Variants in VASN observed in about 807,000 individuals in gnomAD.
The protein encoded by VASN is protein slit-like 2.
Under a neutral mutation model 4.8 loss-of-function variants are expected in VASN, and 5 were observed. The observed-to-expected ratio is 1.03, with a 90% CI of 0.54 to 2.17. VASN has a LOEUF of 2.17. Among genes scored for constraint, VASN ranks in the 30% most tolerant of loss-of-function variants. The pLI is 0.01. For missense variants in VASN, 927 were observed against 948.8 expected (o/e 0.98, Z 0.30); for synonymous variants, 499 against 460.8 (o/e 1.08, Z -1.06).
At chr16:4,379,335 C>T (rs2141238909) in intron 1 of VASN, among the ~76,000 whole-genome samples, 1 of 152,186 alleles carries the variant, frequency 6.6e-6, no homozygotes, top group Admixed American at 6.5e-5. Flanking sequence ...AGGGCTCTTC[C>T]TGGGGACGGC....
rs373081245 is a variant in VASN, at chr16:4,381,728, C to T, written c.851C>T (p.Ser284Leu). 2.4e-5 allele frequency: 39 copies of T among 1,605,900 alleles called. No individual in the cohort carries two copies. The highest frequency in any genetic ancestry group is 1.3e-4 in the Admixed American group (8 of 59,930). The change falls in exon 2 of 2, where the codon TCG becomes TTG. Residue 284 changes from serine to leucine, a missense_variant. Transcript: ENST00000304735. ...LSLQALPGDL[S>L]GLFPRLRLLA... is the part of the protein sequence containing the mutation. Reference sequence around the variant, plus strand: ...CTGCAGGCCCTGCCTGGCGACCTCTCGGGCCTCTTCCCCCGCCTGCGGCTG... The same window carrying T: ...CTGCAGGCCCTGCCTGGCGACCTCTTGGGCCTCTTCCCCCGCCTGCGGCTG...
Position 4,381,416 on chromosome 16 carries a change from G to A in VASN, c.539G>A (p.Ser180Asn). 1 of 1,584,028 alleles carries A rather than the reference G, an allele frequency of 6.3e-7. No homozygotes were observed. Among genetic ancestry groups the A allele is most frequent in the Non-Finnish European group, 8.6e-7 (1 of 1,167,264 alleles). Reference protein sequence around the residue: ...RLLLLDLSHNSLLALEPGILD... With the variant: ...RLLLLDLSHNNLLALEPGILD... ...CTGCTGCTGGACCTCAGCCACAACA[G>A]CCTCCTGGCCCTGGAGCCCGGCATC... Residue 180 changes from serine (S) to asparagine (N), a missense_variant, in exon 2 of 2, where the codon AGC becomes AAC. By Grantham distance (46) the Ser-to-Asn change is conservative (BLOSUM62 1). Coordinates refer to ENST00000304735, the MANE Select transcript of VASN (RefSeq NM_138440.3).
At chr16:4,380,411 C>T (rs971800376) in intron 1 of VASN, among the ~76,000 whole-genome samples, 1 of 152,382 alleles carries the variant, frequency 6.6e-6, no homozygotes, top group East Asian at 1.9e-4. Flanking sequence ...CGGAGCGTGG[C>T]AGCAGGAGCC....
chr16:4,380,872 C>A lies in VASN; in HGVS notation c.-6C>A. The A allele has an allele frequency of 6.6e-7, 1 of 1,512,780 alleles. No individual in the cohort carries two copies. The highest frequency in any genetic ancestry group is 1.3e-5 in the South Asian group (1 of 76,546). 93.7% of individuals were successfully genotyped at this position (1,512,780 alleles called of 1,614,324 possible). ...TCTGCCTCCTCTCTGCTCCCAGGGACAGAAGATGTGCTCCAGGGTCCCTCT... is the reference window on the plus strand; with the variant it reads ...TCTGCCTCCTCTCTGCTCCCAGGGAAAGAAGATGTGCTCCAGGGTCCCTCT... On this transcript the variant is annotated 5_prime_UTR_variant, in exon 2 of 2. Coordinates refer to ENST00000304735, the MANE Select transcript of VASN (RefSeq NM_138440.3).
intron 1 of VASN, among the ~76,000 whole-genome samples, chr16:4,376,915 G>A (rs1480695310): frequency 2.0e-5 from 3 of 152,200 alleles, no homozygotes; most frequent in Non-Finnish European, 4.4e-5. Flanking sequence ...TAGTACCCAC[G>A]CCCAGGGGGC....
chr16:4,377,382 T>A (rs2054776477), intron 1 of VASN, among the ~76,000 whole-genome samples: 1 of 152,036 alleles, frequency 6.6e-6, no homozygotes, highest in Non-Finnish European at 1.5e-5. Context: ...GCAACCACCG[T>A]GTGACCTGTA....
chr16:4,379,983 G>C (rs2054894725), intron 1 of VASN, among the ~76,000 whole-genome samples: 2 of 151,336 alleles, frequency 1.3e-5, no homozygotes, highest in African/African-American at 4.9e-5. Context: ...GCTTGAACCT[G>C]GGAGGCAGAG....
chr16:4,373,141 G>A (rs982614980), intron 1 of VASN, among the ~76,000 whole-genome samples: 20 of 152,144 alleles, frequency 1.3e-4, no homozygotes, highest in Admixed American at 9.2e-4. Flanking sequence ...TGGGGCAGGC[G>A]GGTGGGGGAT....
intron 1 of VASN, among the ~76,000 whole-genome samples, chr16:4,373,696 G>C (rs2054614219): frequency 6.6e-6 from 1 of 152,150 alleles, no homozygotes; most frequent in African/African-American, 2.4e-5. Flanking sequence ...CAAGTCCCAA[G>C]TACAGAAAAT....
Position 4,381,380 on chromosome 16 carries a change from T to A in VASN, c.503T>A (p.Leu168Gln), listed in dbSNP as rs2054955245. 2 of 1,585,410 alleles carry A rather than the reference T, an allele frequency of 1.3e-6. No individual in the cohort carries two copies. Among genetic ancestry groups the A allele is most frequent in the East Asian group, 4.7e-5 (2 of 42,610 alleles). ...CTGCGGGCACTGCCCCCGCTGCGCC[T>A]GCCCCGCCTGCTGCTGCTGGACCTC... ...NELRALPPLRLPRLLLLDLSH... is the reference protein window; with the variant it reads ...NELRALPPLRQPRLLLLDLSH... Residue 168 changes from leucine to glutamine, a missense_variant, in exon 2 of 2, where the codon CTG becomes CAG. Coordinates refer to ENST00000304735, the MANE Select transcript of VASN (RefSeq NM_138440.3).
Position 4,381,675 on chromosome 16 carries a change from G to A in VASN, c.798G>A (p.Leu266=). The A allele has an allele frequency of 6.2e-7, 1 of 1,606,482 alleles. No homozygotes were observed. Among genetic ancestry groups the A allele is most frequent in the Non-Finnish European group, 8.5e-7 (1 of 1,177,836 alleles). The change falls in exon 2 of 2, where the codon CTG becomes CTA. Residue 266 remains leucine, a synonymous_variant. Coordinates refer to ENST00000304735, the MANE Select transcript of VASN (RefSeq NM_138440.3). ...RPEDLAGLAA[L]QELDVSNLSL... ...AGGACCTGGCCGGCCTGGCTGCCCT[G>A]CAGGAGCTGGATGTGAGCAACCTAA...
rs2055040416 is a variant in VASN at position 4,382,703 on chromosome 16, C to T, written c.1826C>T (p.Ala609Val). Reference protein sequence around the residue: ...VRRGRAMAAAAQDKGQVGPGA... With the variant: ...VRRGRAMAAAVQDKGQVGPGA... ...CGGGGGCGGGCCATGGCAGCAGCGG[C>T]TCAGGACAAAGGGCAGGTGGGGCCA... is the stretch of plus-strand genomic sequence containing the variant. The change falls in exon 2 of 2, where the codon GCT (alanine) becomes GTT (valine). Residue 609 changes from alanine to valine, a missense_variant. Ala to Val is a moderately conservative substitution (Grantham distance 64, BLOSUM62 0). Coordinates refer to ENST00000304735, the MANE Select transcript of VASN (RefSeq NM_138440.3). The T allele has an allele frequency of 2.6e-6, 4 of 1,548,980 alleles. No individual in the cohort carries two copies. The highest frequency in any genetic ancestry group is 2.6e-6 in the Non-Finnish European group (3 of 1,147,854).
chr16:4,374,323 C>A (rs113115656), intron 1 of VASN, among the ~76,000 whole-genome samples: 1 of 152,122 alleles, frequency 6.6e-6, no homozygotes, highest in Admixed American at 6.5e-5. Flanking sequence ...CGGCCTCCCC[C>A]GCTTTTCCTC....
At chr16:4,379,038 C>A (rs2054857904) in intron 1 of VASN, among the ~76,000 whole-genome samples, 1 of 152,062 alleles carries the variant, frequency 6.6e-6, no homozygotes, top group Non-Finnish European at 1.5e-5. Context: ...AGTGACTTGT[C>A]TAATCTGTCC....
rs762446209 is a variant in VASN, at chr16:4,382,287, G to A, written c.1410G>A (p.Pro470=). Reference sequence around the variant, plus strand: ...GGTCCCTGACCCTGGGCATCGAGCCGGTGAGCCCCACCTCCCTGCGCGTGG... The same window carrying A: ...GGTCCCTGACCCTGGGCATCGAGCCAGTGAGCCCCACCTCCCTGCGCGTGG... The part of the protein sequence containing the change: ...PPRSLTLGIE[P]VSPTSLRVGL... The change falls in exon 2 of 2, where the codon CCG becomes CCA. Residue 470 remains proline (P), a synonymous_variant. Transcript: ENST00000304735. 3.0e-5 allele frequency: 49 copies of A among 1,609,656 alleles called. No homozygotes were observed. The highest frequency in any genetic ancestry group is 2.9e-4 in the East Asian group (13 of 44,716).
At chr16:4,378,886 G>T (rs1443965091) in intron 1 of VASN, among the ~76,000 whole-genome samples, 1 of 152,040 alleles carries the variant, frequency 6.6e-6, no homozygotes, top group Non-Finnish European at 1.5e-5. Flanking sequence ...CTGGCTAGGG[G>T]CTCAGGGTCG....
At chr16:4,379,321 G>A (rs189900270) in intron 1 of VASN, among the ~76,000 whole-genome samples, 285 of 152,206 alleles carry the variant, frequency 1.9e-3, no homozygotes, top group African/African-American at 6.3e-3. Context: ...GTGCCAAAGT[G>A]GGGAGGGCTC....
chr16:4,372,474 C>G (rs1158198712), intron 1 of VASN, among the ~76,000 whole-genome samples: 1 of 152,208 alleles, frequency 6.6e-6, no homozygotes, highest in Non-Finnish European at 1.5e-5. Flanking sequence ...AGATATGCAG[C>G]CCTAGGGAGG....
At chr16:4,378,489 G>A (rs893635165) in intron 1 of VASN, among the ~76,000 whole-genome samples, 9 of 152,128 alleles carry the variant, frequency 5.9e-5, no homozygotes, top group African/African-American at 1.9e-4. Flanking sequence ...GTGGGTGGGG[G>A]TCACTCACAG....
Sources: gnomAD v4.1 joint callset for allele counts (sites outside exome capture counted in the v4.1 genomes callset) on GRCh38, gnomAD v4.1.1 for gene constraint, MANE v1.5 for transcripts, NCBI Gene and HGNC (gene_info 2026-07-23, HGNC 2026-07-21) for gene names.